Variants in MAGI1 observed in about 807,000 individuals in gnomAD.
MAGI1 encodes membrane-associated guanylate kinase, WW and PDZ domain-containing protein 1.
MAGI1 carries 58 observed loss-of-function variants against 139.9 expected under a neutral mutation model. The ratio of observed to expected loss-of-function variants is 0.41; its 90% CI spans 0.34 to 0.52. The LOEUF (loss-of-function observed/expected upper bound fraction) is 0.52, where lower values mean the gene tolerates loss of function less well. MAGI1 is among the 20% of genes least tolerant of loss of function. The probability of loss-of-function intolerance (pLI) is 0.12; values close to 1 mark genes in which losing one functional copy is unlikely to be tolerated. For synonymous variants in MAGI1, 812 were observed against 737.9 expected (o/e 1.10, Z -1.63); for missense variants, 1,874 against 1,901.6 (o/e 0.99, Z 0.27).
chr3:65,684,700 TTTTTTTGGTTTTG>T (rs2087871236), intron 1 of MAGI1, among the ~76,000 whole-genome samples: 1 of 151,734 alleles, frequency 6.6e-6, no homozygotes, highest in Admixed American at 6.6e-5. Context: ...CTTGGTAGGA[TTTTTTTGGTTTTG>T]TTTTTTGAGA....
Position 65,548,511 on chromosome 3 carries a change from C to CTTTTTTTTTTTTTTTTTTTTTTTTTTT in MAGI1, c.431-54907_431-54881dup, listed in dbSNP as rs1170215972. ...AGCCCAGCTTTATGCAAACAACACT[C>CTTTTTTTTTTTTTTTTTTTTTTTTTTT]TTTTTTTTTTTTTTTTTTTTTTTTT... On this transcript the variant is annotated intron_variant, in intron 2 of 22. Transcript: ENST00000402939. Among the ~76,000 whole-genome samples, 4 of 87,388 alleles carry CTTTTTTTTTTTTTTTTTTTTTTTTTTT rather than the reference C, an allele frequency of 4.6e-5. 1 individual carries two copies. Among genetic ancestry groups the CTTTTTTTTTTTTTTTTTTTTTTTTTTT allele is most frequent in the African/African-American group, 1.4e-4 (3 of 21,304 alleles). 57.3% of individuals were successfully genotyped at this position (87,388 alleles called of 152,430 possible). A position where few individuals can be genotyped will look rare whatever the true frequency, so the allele number is the denominator to read the frequency against.
At chr3:65,830,662 G>C (rs780382361) in intron 1 of MAGI1, among the ~76,000 whole-genome samples, 1 of 127,704 alleles carries the variant, frequency 7.8e-6, no homozygotes, top group African/African-American at 2.6e-5. Flanking sequence ...ATGATTCACA[G>C]TATTATATTA....
chr3:65,404,094 G>A (rs1290335538), intron 12 of MAGI1, among the ~76,000 whole-genome samples: 1 of 152,156 alleles, frequency 6.6e-6, no homozygotes, highest in Non-Finnish European at 1.5e-5. Context: ...CACATCAAAT[G>A]GATAATGGGG....
At chr3:65,583,237 AGTT>A in intron 2 of MAGI1, among the ~76,000 whole-genome samples, 1 of 152,184 alleles carries the variant, frequency 6.6e-6, no homozygotes, top group East Asian at 1.9e-4. Flanking sequence ...TTCTCTCCCA[AGTT>A]GTTATTGCTG....
chr3:65,844,220 T>C (rs2058906856), intron 1 of MAGI1: 1 of 491,378 alleles, frequency 2.0e-6, no homozygotes, highest in Non-Finnish European at 4.0e-6. Flanking sequence ...GGATATAGAT[T>C]CTCTGGTCAT....
chr3:65,894,154 A>G (rs2060876699), intron 1 of MAGI1, among the ~76,000 whole-genome samples: 1 of 152,164 alleles, frequency 6.6e-6, no homozygotes, highest in Non-Finnish European at 1.5e-5. Flanking sequence ...CTCCCTATGG[A>G]AAGAATCTCA....
intron 1 of MAGI1, among the ~76,000 whole-genome samples, chr3:65,799,241 G>A (rs1421312496): frequency 1.3e-5 from 2 of 152,166 alleles, no homozygotes. Flanking sequence ...TATGGCCACA[G>A]TGCATTACAA....
intron 1 of MAGI1, among the ~76,000 whole-genome samples, chr3:66,019,306 GCT>G (rs1394346643): frequency 2.0e-5 from 3 of 152,170 alleles, no homozygotes. Flanking sequence ...TTGGCAGTGG[GCT>G]CTCTGGTGCA....
chr3:65,479,037 C>T (rs73115943), intron 3 of MAGI1, among the ~76,000 whole-genome samples: 47,687 of 151,974 alleles, frequency 0.31, 9,110 homozygotes, highest in East Asian at 0.73. Flanking sequence ...CCTACTAGGG[C>T]TAAAAACAAA....
At chr3:65,589,159 T>C (rs1037512567) in intron 2 of MAGI1, among the ~76,000 whole-genome samples, 3 of 152,166 alleles carry the variant, frequency 2.0e-5, no homozygotes, top group Non-Finnish European at 4.4e-5. Context: ...ACTTGAATAG[T>C]TGAAAATGAT....
chr3:65,922,664 G>A (rs1478867936), intron 1 of MAGI1, among the ~76,000 whole-genome samples: 1 of 152,216 alleles, frequency 6.6e-6, no homozygotes, highest in Non-Finnish European at 1.5e-5. Flanking sequence ...CCCAGTTTGT[G>A]ATATTTTATT....
intron 14 of MAGI1, among the ~76,000 whole-genome samples, chr3:65,389,076 T>A (rs529215200): frequency 6.6e-6 from 1 of 151,830 alleles, no homozygotes; most frequent in Non-Finnish European, 1.5e-5. Context: ...AACTCCTGAC[T>A]TCGTGATCCG....
intron 1 of MAGI1, among the ~76,000 whole-genome samples, chr3:65,646,771 G>C (rs1426910722): frequency 6.6e-6 from 1 of 151,956 alleles, no homozygotes; most frequent in Non-Finnish European, 1.5e-5. Flanking sequence ...TAAATGCTTA[G>C]AAATCACACT....
Position 65,899,072 on chromosome 3 carries a change from C to T in MAGI1, c.313+138924G>A, listed in dbSNP as rs1362495880. On this transcript the variant is annotated intron_variant, in intron 1 of 22. Transcript: ENST00000402939. Reference sequence around the variant, plus strand: ...GGGCAGCTGGGACTACAGGCACACACCACCACCACGCTCAGCTAATTTTTT... The same window carrying T: ...GGGCAGCTGGGACTACAGGCACACATCACCACCACGCTCAGCTAATTTTTT... Among the ~76,000 whole-genome samples, 5 of 152,170 alleles carry T rather than the reference C, an allele frequency of 3.3e-5. No individual in the cohort carries two copies. The East Asian group carries it at 9.7e-4, about 30-fold the overall frequency.
At chr3:65,987,150 G>A (rs996060304) in intron 1 of MAGI1, among the ~76,000 whole-genome samples, 12 of 152,184 alleles carry the variant, frequency 7.9e-5, no homozygotes, top group Admixed American at 2.6e-4. Flanking sequence ...TTACAGGCGT[G>A]AGCTACCGCG....
At chr3:65,984,895 G>A (rs912173477) in intron 1 of MAGI1, among the ~76,000 whole-genome samples, 1 of 151,998 alleles carries the variant, frequency 6.6e-6, no homozygotes, top group Non-Finnish European at 1.5e-5. Context: ...ATGGAGACAA[G>A]GGGAAGTTTT....
intron 1 of MAGI1, among the ~76,000 whole-genome samples, chr3:65,845,757 C>T (rs929101750): frequency 6.6e-6 from 1 of 152,192 alleles, no homozygotes; most frequent in Non-Finnish European, 1.5e-5. Context: ...TCCAGCCACA[C>T]CTGTCTCGAC....
chr3:65,474,196 T>C (rs745516687), intron 4 of MAGI1, among the ~76,000 whole-genome samples: 4 of 152,062 alleles, frequency 2.6e-5, no homozygotes, highest in Non-Finnish European at 4.4e-5. Flanking sequence ...ACCTGGGAGG[T>C]TGAAGCTGCA....
At chr3:65,637,556 A>AAAAGAAAAAG (rs1553684080) in intron 1 of MAGI1, among the ~76,000 whole-genome samples, 2 of 127,876 alleles carry the variant, frequency 1.6e-5, no homozygotes, top group African/African-American at 6.2e-5. Flanking sequence ...TGTCTCCAAA[A>AAAAGAAAAAG]AAAGAAAGAA....
Sources: allele counts gnomAD v4.1 joint callset (sites outside exome capture counted in the v4.1 genomes callset), GRCh38; gene constraint gnomAD v4.1.1; transcripts MANE v1.5; gene names NCBI Gene and HGNC (gene_info 2026-07-23, HGNC 2026-07-21).